NKAIN1: variants seen among roughly 807,000 people sequenced by gnomAD.
NKAIN1 encodes the protein sodium/potassium-transporting ATPase subunit beta-1-interacting protein 1.
In NKAIN1, 13 loss-of-function variants were observed where a neutral mutation model predicts 31.6. That is an observed-to-expected ratio of 0.41 (90% confidence interval 0.27 to 0.65). NKAIN1 has a LOEUF of 0.65. Among genes scored for constraint, NKAIN1 ranks in the 30% least tolerant of loss-of-function variants. The pLI is 0.30. For missense variants in NKAIN1, 193 were observed against 262.2 expected (o/e 0.74, Z 1.82); for synonymous variants, 104 against 109.0 (o/e 0.95, Z 0.28).
At chr1:31,229,176 G>A (rs1645628904) in intron 1 of NKAIN1, among the ~76,000 whole-genome samples, 1 of 152,196 alleles carries the variant, frequency 6.6e-6, no homozygotes, top group African/African-American at 2.4e-5. Flanking sequence ...GGCAGTTTGT[G>A]TGTGCTTGAT....
At chr1:31,218,060 CTTTCTTTCTTT>C (rs1463186566) in intron 1 of NKAIN1, among the ~76,000 whole-genome samples, 16 of 142,370 alleles carry the variant, frequency 1.1e-4, no homozygotes, top group African/African-American at 4.2e-4. Flanking sequence ...TTCTTTCTTT[CTTTCTTTCTTT>C]TTTTTTTTTG....
intron 1 of NKAIN1, among the ~76,000 whole-genome samples, chr1:31,225,150 C>T (rs1432306898): frequency 6.7e-6 from 1 of 148,290 alleles, no homozygotes; most frequent in African/African-American, 2.5e-5. Flanking sequence ...GCCTCAGCCT[C>T]CCAAGTAGCT....
chr1:31,236,549 G>T (rs1645693782), intron 1 of NKAIN1, among the ~76,000 whole-genome samples: 1 of 152,148 alleles, frequency 6.6e-6, no homozygotes, highest in African/African-American at 2.4e-5. Context: ...CAGGCAGTAG[G>T]GGCTCATGGA....
At chr1:31,200,045 A>ACACACATGCATG (rs1553162448) in intron 1 of NKAIN1, among the ~76,000 whole-genome samples, 5 of 151,344 alleles carry the variant, frequency 3.3e-5, no homozygotes, top group Admixed American at 6.6e-5. Flanking sequence ...ACACATGCAC[A>ACACACATGCATG]CGTGCACACA....
intron 1 of NKAIN1, among the ~76,000 whole-genome samples, chr1:31,208,183 T>C (rs539557037): frequency 6.6e-6 from 1 of 152,240 alleles, no homozygotes; most frequent in East Asian, 1.9e-4. Flanking sequence ...CTGGCAAGTG[T>C]TTAAATCTCC....
intron 1 of NKAIN1, among the ~76,000 whole-genome samples, chr1:31,223,705 A>G (rs142621515): frequency 7.4e-4 from 112 of 152,212 alleles, no homozygotes; most frequent in African/African-American, 2.6e-3. Flanking sequence ...CGGCCTCCCA[A>G]AGTGCTGGGA....
At position 31,239,114 on chromosome 1, in the gene NKAIN1, A is replaced by G. The variant is rs2148371224; in HGVS notation, c.54+380T>C. 6.6e-6 allele frequency among the ~76,000 whole-genome samples: 1 copy of G among 152,224 alleles called. No individual in the cohort carries two copies. The highest frequency in any genetic ancestry group is 1.5e-5 in the Non-Finnish European group (1 of 68,004). ...AGAGACCCATGCAAACGAGGGATCT[A>G]GAGGGAAACACACAGCAGGACCTCA... On this transcript the variant is annotated intron_variant, in intron 1 of 6. Transcript: ENST00000373736. This position sits in a 1 kb window ranked among gnomAD's most constrained non-coding sequence, Gnocchi z 4.8.
chr1:31,190,554 G>A (rs1188582603), intron 1 of NKAIN1, among the ~76,000 whole-genome samples: 1 of 152,168 alleles, frequency 6.6e-6, no homozygotes, highest in Non-Finnish European at 1.5e-5. Context: ...TCTTGGCACT[G>A]GTAAGGGAGT....
At chr1:31,213,131 A>AG (rs1645483835) in intron 1 of NKAIN1, among the ~76,000 whole-genome samples, 1 of 151,452 alleles carries the variant, frequency 6.6e-6, no homozygotes, top group Admixed American at 6.6e-5. Context: ...GAGGATACAA[A>AG]AAAAAAGAAA....
intron 1 of NKAIN1, among the ~76,000 whole-genome samples, chr1:31,218,022 TTCTTTCTTTC>T (rs1348552477): frequency 9.5e-5 from 8 of 84,164 alleles, no homozygotes; most frequent in African/African-American, 5.1e-4. Flanking sequence ...ACCATTTTCT[TTCTTTCTTTC>T]TTTCTTTCTT....
chr1:31,187,836 T>C (rs1275516169), intron 2 of NKAIN1, among the ~76,000 whole-genome samples: 2 of 151,718 alleles, frequency 1.3e-5, no homozygotes, highest in Admixed American at 1.3e-4. Flanking sequence ...ATTTGGATTA[T>C]TTCCCTAAAA....
chr1:31,188,930 T>C (rs1645264787), intron 1 of NKAIN1, among the ~76,000 whole-genome samples: 1 of 151,916 alleles, frequency 6.6e-6, no homozygotes, highest in Non-Finnish European at 1.5e-5. Flanking sequence ...AGAGAATCTC[T>C]TGAGCCCAGC....
chr1:31,192,120 C>A (rs951557827), intron 1 of NKAIN1, among the ~76,000 whole-genome samples: 51 of 152,260 alleles, frequency 3.3e-4, no homozygotes, highest in African/African-American at 1.2e-3. Flanking sequence ...CACAGTGTAG[C>A]TCAGTTCCCT....
chr1:31,219,335 C>T (rs1645543999), intron 1 of NKAIN1, among the ~76,000 whole-genome samples: 1 of 152,270 alleles, frequency 6.6e-6, no homozygotes, highest in Non-Finnish European at 1.5e-5. Flanking sequence ...TATGTCCACA[C>T]CTGCCCCTCC....
intron 1 of NKAIN1, among the ~76,000 whole-genome samples, chr1:31,216,546 A>G (rs978910312): frequency 1.3e-5 from 2 of 152,108 alleles, no homozygotes; most frequent in African/African-American, 4.8e-5. Flanking sequence ...GCAGATTAAG[A>G]TTTGGACCAG....
intron 1 of NKAIN1, among the ~76,000 whole-genome samples, chr1:31,206,064 G>A (rs188014135): frequency 0.04 from 6,027 of 149,046 alleles, 338 homozygotes; most frequent in African/African-American, 0.12. Context: ...TGAAACCCCC[G>A]TCTCTACTAA....
intron 1 of NKAIN1, among the ~76,000 whole-genome samples, chr1:31,235,185 G>A (rs1484828295): frequency 6.6e-6 from 1 of 152,106 alleles, no homozygotes; most frequent in African/African-American, 2.4e-5. Flanking sequence ...GGATTCCCTA[G>A]GGCAAATCTC....
chr1:31,229,428 G>T (rs529127972), intron 1 of NKAIN1, among the ~76,000 whole-genome samples: 1 of 152,298 alleles, frequency 6.6e-6, no homozygotes, highest in Middle Eastern at 3.4e-3. Context: ...AGGCTGTAGT[G>T]CAGTGGTACA....
At position 31,180,145 on chromosome 1, in the gene NKAIN1, T is replaced by C. The variant is rs1052078292; in HGVS notation, c.*1558A>G. The C allele has an allele frequency of 5.3e-5, 8 of 152,266 alleles. No homozygotes were observed. The highest frequency in any genetic ancestry group is 1.9e-4 in the African/African-American group (8 of 41,434). The allele number at this position is 152,266 out of a possible 1,614,324, so 9.4% of individuals were successfully genotyped here. ...TATTTTGGCCTTAGAGAGTAGGGAATGATAGATTGGAGGGTAGTGGGAGAG... is the reference window on the plus strand; with the variant it reads ...TATTTTGGCCTTAGAGAGTAGGGAACGATAGATTGGAGGGTAGTGGGAGAG... On this transcript the variant is annotated 3_prime_UTR_variant, in exon 7 of 7. Transcript: ENST00000373736.
Sources: allele counts gnomAD v4.1 joint callset (sites outside exome capture counted in the v4.1 genomes callset), GRCh38; gene constraint gnomAD v4.1.1; non-coding constraint Gnocchi (gnomAD v3.1); transcripts MANE v1.5; gene names NCBI Gene and HGNC (gene_info 2026-07-23, HGNC 2026-07-21).